The following TDRD3 variants were observed in gnomAD, a reference collection of about 807,000 sequenced individuals.
TDRD3 encodes the protein tudor domain-containing protein 3.
A neutral mutation model predicts 86.7 loss-of-function variants in TDRD3; 45 were observed. That is an observed-to-expected ratio of 0.52 (90% CI 0.41 to 0.67). TDRD3 has a LOEUF of 0.67. TDRD3 is among the 30% of genes least tolerant of loss of function. The pLI, the probability that TDRD3 is intolerant of heterozygous loss-of-function variation, is 0.00. For synonymous variants in TDRD3, 298 were observed against 301.7 expected (o/e 0.99, Z 0.13); for missense variants, 814 against 889.0 (o/e 0.92, Z 1.07).
In TDRD3 at chr13:60,529,304, A is replaced by G. The variant is rs9538735; in HGVS notation, c.1992+87A>G. The stretch of plus-strand genomic sequence containing the variant: ...TTATAGAAGCTGTCACTTTGGAACT[A>G]TGAGTCTTTTTCTACTATTGTACCT... On this transcript the variant is annotated intron_variant, in intron 11 of 13. Transcript: ENST00000377881. The G allele has an allele frequency of 0.18, 255,542 of 1,408,702 alleles. 25,458 individuals are homozygous for G. The highest frequency in any genetic ancestry group is 0.28 in the South Asian group (18,169 of 64,152). The allele number at this position is 1,408,702 out of a possible 1,614,324, so 87.3% of individuals were successfully genotyped here.
chr13:60,503,736 T>C (rs114568050), intron 8 of TDRD3, among the ~76,000 whole-genome samples: 1,747 of 152,332 alleles, frequency 0.011, 44 homozygotes, highest in African/African-American at 0.04. Flanking sequence ...AATTCCATAT[T>C]GCTACAAATT....
chr13:60,458,755 CTTAATT>C (rs965059366), intron 3 of TDRD3, among the ~76,000 whole-genome samples: 15 of 152,096 alleles, frequency 9.9e-5, no homozygotes, highest in African/African-American at 3.6e-4. Context: ...TTTAATTTCA[CTTAATT>C]TTAAGTGAAA....
chr13:60,522,506 A>G (rs977984498), intron 10 of TDRD3, among the ~76,000 whole-genome samples: 3 of 152,160 alleles, frequency 2.0e-5, no homozygotes, highest in Non-Finnish European at 4.4e-5. Context: ...ACATATGTTA[A>G]TCCTCCGAGG....
chr13:60,544,554 A>T (rs922900378), intron 12 of TDRD3, among the ~76,000 whole-genome samples: 2 of 152,056 alleles, frequency 1.3e-5, no homozygotes, highest in African/African-American at 4.8e-5. Flanking sequence ...CTCCTAAAAG[A>T]CCACAATTTC....
At chr13:60,561,002 A>G (rs1394048634) in intron 12 of TDRD3, among the ~76,000 whole-genome samples, 1 of 152,204 alleles carries the variant, frequency 6.6e-6, no homozygotes, top group Non-Finnish European at 1.5e-5. Flanking sequence ...GGTACATAAA[A>G]AGAGATTATC....
intron 3 of TDRD3, among the ~76,000 whole-genome samples, chr13:60,447,650 A>G (rs1465306906): frequency 1.3e-5 from 2 of 152,134 alleles, no homozygotes; most frequent in Non-Finnish European, 2.9e-5. Flanking sequence ...TTTGGCCCCA[A>G]ACCCCATGCA....
intron 3 of TDRD3, among the ~76,000 whole-genome samples, chr13:60,459,236 A>C (rs990188443): frequency 1.3e-5 from 2 of 152,206 alleles, no homozygotes; most frequent in African/African-American, 4.8e-5. Context: ...GAAAATATAA[A>C]TTAATATGCA....
chr13:60,541,658 T>G (rs1957811394), intron 12 of TDRD3, among the ~76,000 whole-genome samples: 1 of 150,860 alleles, frequency 6.6e-6, no homozygotes, highest in Non-Finnish European at 1.5e-5. Context: ...AATAGATTGA[T>G]TTTTCATTCA....
At chr13:60,487,440 C>T (rs1012128813) in intron 7 of TDRD3, among the ~76,000 whole-genome samples, 17 of 151,838 alleles carry the variant, frequency 1.1e-4, no homozygotes, top group Admixed American at 6.6e-5. Flanking sequence ...TGCACCATTG[C>T]GCTCCAGCCT....
chr13:60,502,742 T>TTA (rs1956859987), intron 8 of TDRD3, among the ~76,000 whole-genome samples: 1 of 152,122 alleles, frequency 6.6e-6, no homozygotes. Flanking sequence ...TTGTACAGGA[T>TTA]TATATATATA....
At chr13:60,459,375 G>A (rs1955752653) in intron 3 of TDRD3, among the ~76,000 whole-genome samples, 1 of 152,118 alleles carries the variant, frequency 6.6e-6, no homozygotes, top group Admixed American at 6.6e-5. Context: ...AGATTTTACT[G>A]TTATTTCTCA....
intron 2 of TDRD3, among the ~76,000 whole-genome samples, 160 bp from the exon 3 acceptor site, chr13:60,444,523 A>G (rs1955354514): frequency 6.6e-6 from 1 of 151,960 alleles, no homozygotes; most frequent in Non-Finnish European, 1.5e-5. Flanking sequence ...ATTATGGGAC[A>G]CTGTTACTTG....
intron 1 of TDRD3, among the ~76,000 whole-genome samples, chr13:60,426,727 A>G (rs1954821424): frequency 1.3e-5 from 2 of 152,212 alleles, no homozygotes; most frequent in South Asian, 2.1e-4. Flanking sequence ...AAAAGCACCA[A>G]GGGACAAATG....
At chr13:60,410,627 G>A (rs930006311) in intron 1 of TDRD3, among the ~76,000 whole-genome samples, 3 of 152,112 alleles carry the variant, frequency 2.0e-5, no homozygotes, top group African/African-American at 7.2e-5. Context: ...GATTCCCTTA[G>A]TATGTTCTAA....
Position 60,503,979 on chromosome 13 carries a change from A to C in TDRD3, c.859-5784A>C, listed in dbSNP as rs180715374. Among the ~76,000 whole-genome samples, 543 of 152,366 alleles carry C rather than the reference A, an allele frequency of 3.6e-3. 6 individuals are homozygous for C. The highest frequency in any genetic ancestry group is 0.013 in the African/African-American group (527 of 41,580). ...GCTTTTTGCTAAAGGGCAGATTGGC[A>C]TCAGAAGAAAACCTTGCTGTGCTTT... On this transcript the variant is annotated intron_variant, in intron 8 of 13. Coordinates refer to ENST00000377881, the MANE Select transcript of TDRD3 (RefSeq NM_001146070.2).
chr13:60,408,357 CAA>C (rs1386453868), intron 1 of TDRD3, among the ~76,000 whole-genome samples: 1 of 152,106 alleles, frequency 6.6e-6, no homozygotes, highest in Non-Finnish European at 1.5e-5. Context: ...AAAAGATACC[CAA>C]AAATGTGGAA....
At chr13:60,543,029 C>T (rs1256732671) in intron 12 of TDRD3, among the ~76,000 whole-genome samples, 1 of 152,156 alleles carries the variant, frequency 6.6e-6, no homozygotes, top group East Asian at 1.9e-4. Flanking sequence ...GCTTCCAGCT[C>T]CATTAAACTT....
At chr13:60,414,109 C>T (rs1250344008) in intron 1 of TDRD3, among the ~76,000 whole-genome samples, 2 of 151,886 alleles carry the variant, frequency 1.3e-5, no homozygotes, top group East Asian at 3.8e-4. Flanking sequence ...TGTTGCCCTC[C>T]TCAAAAATTA....
At chr13:60,501,452 A>G (rs192158170) in intron 8 of TDRD3, among the ~76,000 whole-genome samples, 6 of 152,364 alleles carry the variant, frequency 3.9e-5, no homozygotes, top group Admixed American at 1.3e-4. Context: ...TATAAATGGA[A>G]CATTCCTTTT....
Sources: allele counts gnomAD v4.1 joint callset (sites outside exome capture counted in the v4.1 genomes callset), GRCh38; gene constraint gnomAD v4.1.1; transcripts MANE v1.5; gene names NCBI Gene and HGNC (gene_info 2026-07-23, HGNC 2026-07-21).